KAT7: variants seen among roughly 807,000 people sequenced by gnomAD.
KAT7 encodes the protein lysine acetyltransferase 7.
KAT7 carries 10 observed loss-of-function variants against 82.1 expected under a neutral mutation model. The observed-to-expected ratio is 0.12, with a 90% confidence interval of 0.08 to 0.21. The LOEUF (loss-of-function observed/expected upper bound fraction) is 0.21. Among genes scored for constraint, KAT7 ranks in the 10% least tolerant of loss-of-function variants. The pLI is 1.00. For missense variants in KAT7, 378 were observed against 760.9 expected (o/e 0.50, Z 5.92); for synonymous variants, 250 against 262.5 (o/e 0.95, Z 0.46).
intron 1 of KAT7, 25 bp downstream of exon 1, chr17:49,788,874 G>T (rs769105815): frequency 6.3e-7 from 1 of 1,576,838 alleles, no homozygotes; most frequent in South Asian, 1.1e-5. Flanking sequence ...AGGAGGGATG[G>T]CGGGTTTCTA....
intron 12 of KAT7, among the ~76,000 whole-genome samples, chr17:49,823,966 T>C (rs1408206943): frequency 3.3e-5 from 5 of 152,220 alleles, no homozygotes; most frequent in African/African-American, 1.2e-4. Context: ...CTGGTGTTCC[T>C]AATCTCAGGA....
chr17:49,791,736 A>G, intron 1 of KAT7, 150 bp from the exon 2 acceptor site: 1 of 696,810 alleles, frequency 1.4e-6, no homozygotes. Context: ...AAGTTGCCTG[A>G]GGGGGTGGGA....
intron 3 of KAT7, among the ~76,000 whole-genome samples, chr17:49,798,026 T>G (rs2073978439): frequency 6.6e-6 from 1 of 152,252 alleles, no homozygotes; most frequent in Admixed American, 6.5e-5. Context: ...TAGTAATGTT[T>G]TAAAAACGTA....
intron 12 of KAT7, chr17:49,823,526 A>G: frequency 4.5e-6 from 2 of 442,254 alleles, no homozygotes; most frequent in Non-Finnish European, 8.2e-6. Context: ...ACAGAGGATG[A>G]TAAAGTAAGC....
chr17:49,792,059 C>T (rs2073896783), intron 2 of KAT7, 26 bp downstream of exon 2: 4 of 1,607,780 alleles, frequency 2.5e-6, no homozygotes, highest in Non-Finnish European at 3.4e-6. Flanking sequence ...TTTTTCCTTA[C>T]CACTCCTCAC....
At position 49,809,241 on chromosome 17, in the gene KAT7, A is replaced by G. The variant is rs760586779; in HGVS notation, c.753+33A>G. 4 of 1,535,328 alleles carry G rather than the reference A, an allele frequency of 2.6e-6. No individual in the cohort carries two copies. The South Asian group carries it at 4.5e-5, about 17-fold the overall frequency. ...CCTTGTTAAAGCACTGGCCATTCAT[A>G]GTTTGAGGTCCGTTTCTTGGATCTC... is the stretch of plus-strand genomic sequence containing the variant. On this transcript the variant is annotated intron_variant, in intron 6 of 14. Transcript: ENST00000259021.
intron 4 of KAT7, among the ~76,000 whole-genome samples, chr17:49,805,070 A>C (rs185463375): frequency 6.6e-6 from 1 of 152,302 alleles, no homozygotes; most frequent in East Asian, 1.9e-4. Context: ...TTGGGCTTTA[A>C]TTACAAATGT....
At chr17:49,820,937 G>A (rs1432440782) in intron 9 of KAT7, among the ~76,000 whole-genome samples, 4 of 151,962 alleles carry the variant, frequency 2.6e-5, no homozygotes, top group Non-Finnish European at 4.4e-5. Context: ...AGAAGTTATG[G>A]GTAAAGGTGA....
intron 14 of KAT7, 85 bp downstream of exon 14, chr17:49,826,884 C>T (rs1351756521): frequency 1.2e-6 from 1 of 850,700 alleles, no homozygotes; most frequent in Non-Finnish European, 1.9e-6. Context: ...GACTGGAGAA[C>T]CTTCCCTTAA....
chr17:49,790,230 C>T (rs1440721806), intron 1 of KAT7, among the ~76,000 whole-genome samples: 1 of 152,066 alleles, frequency 6.6e-6, no homozygotes, highest in Non-Finnish European at 1.5e-5. Flanking sequence ...AGGTTTTGCT[C>T]TTGTTGCCCA....
chr17:49,797,910 C>T (rs2073977021), intron 3 of KAT7, among the ~76,000 whole-genome samples: 1 of 152,092 alleles, frequency 6.6e-6, no homozygotes, highest in African/African-American at 2.4e-5. Flanking sequence ...TCACTCAAGA[C>T]TCTAAGTCCA....
intron 1 of KAT7, among the ~76,000 whole-genome samples, chr17:49,790,324 G>A (rs2073870249): frequency 6.6e-6 from 1 of 152,176 alleles, no homozygotes; most frequent in East Asian, 1.9e-4. Context: ...AGTCTCTCTA[G>A]TAGCTGGGAT....
intron 2 of KAT7, 78 bp from the exon 3 acceptor site, chr17:49,796,672 A>T: frequency 8.8e-7 from 1 of 1,137,928 alleles, no homozygotes; most frequent in Non-Finnish European, 1.2e-6. Flanking sequence ...GAGGAGCGAT[A>T]TTCTGATAAA....
chr17:49,825,826 T>C (rs954208327), intron 12 of KAT7, among the ~76,000 whole-genome samples, 174 bp from the exon 13 acceptor site: 6 of 152,220 alleles, frequency 3.9e-5, no homozygotes, highest in African/African-American at 1.4e-4. Context: ...TCTTCCCCTT[T>C]TGTTTATACA....
intron 7 of KAT7, among the ~76,000 whole-genome samples, chr17:49,813,551 T>C (rs2074196779): frequency 6.6e-6 from 1 of 152,224 alleles, no homozygotes; most frequent in East Asian, 1.9e-4. Context: ...TCCATGGATT[T>C]TGTTCCTGTG....
Position 49,818,049 on chromosome 17 carries a change from G to A in KAT7, c.1155+38G>A, listed in dbSNP as rs528188773. On this transcript the variant is annotated intron_variant, in intron 9 of 14. Coordinates refer to ENST00000259021, the MANE Select transcript of KAT7 (RefSeq NM_007067.5). ...GGGTTCCTCTGCCTTGACCATGATG[G>A]CAATAAGCTGTAGGATCTCTAGATT... is the stretch of plus-strand genomic sequence containing the variant. 168 of 1,538,326 alleles carry A rather than the reference G, an allele frequency of 1.1e-4. 1 individual carries two copies. The South Asian group carries it at 1.4e-3, about 13-fold the overall frequency.
At chr17:49,824,192 G>C (rs1042085440) in intron 12 of KAT7, among the ~76,000 whole-genome samples, 1 of 152,174 alleles carries the variant, frequency 6.6e-6, no homozygotes, top group African/African-American at 2.4e-5. Flanking sequence ...AGGAGTAGTG[G>C]TTCAATATTC....
Position 49,788,860 on chromosome 17 carries a change from GGA to G in KAT7, c.15+15_15+16del. 1.3e-6 allele frequency: 2 copies of G among 1,584,762 alleles called. No individual in the cohort carries two copies. The highest frequency in any genetic ancestry group is 1.7e-6 in the Non-Finnish European group (2 of 1,163,092). The stretch of plus-strand genomic sequence containing the variant: ...ATGCCGCGAAGGAAGGTGAGAAACG[GGA>G]GAGGAGGGATGGCGGGTTTCTAAGG... On this transcript the variant is annotated intron_variant, in intron 1 of 14. Transcript: ENST00000259021.
At chr17:49,802,396 G>A (rs534030231) in intron 4 of KAT7, among the ~76,000 whole-genome samples, 2 of 152,198 alleles carry the variant, frequency 1.3e-5, no homozygotes, top group African/African-American at 2.4e-5. Context: ...GCCTGGGTGC[G>A]GTGGCTCATG....
Sources: allele counts gnomAD v4.1 joint callset (sites outside exome capture counted in the v4.1 genomes callset), GRCh38; gene constraint gnomAD v4.1.1; transcripts MANE v1.5; gene names NCBI Gene and HGNC (gene_info 2026-07-23, HGNC 2026-07-21).